PDS5B: variants seen among roughly 807,000 people sequenced by gnomAD.
PDS5B encodes the protein PDS5 cohesin associated factor B.
Under a neutral mutation model 184.1 loss-of-function variants are expected in PDS5B, and 51 were observed. That is an observed-to-expected ratio of 0.28 (90% confidence interval 0.22 to 0.35). The LOEUF (loss-of-function observed/expected upper bound fraction) is 0.35, where lower values mean the gene tolerates loss of function less well. Ranked by LOEUF, PDS5B falls within the 10% of genes least tolerant of loss-of-function variation. The pLI, the probability that PDS5B is intolerant of heterozygous loss-of-function variation, is 1.00. For missense variants in PDS5B, 1,180 were observed against 1,723.3 expected (o/e 0.68, Z 5.58); for synonymous variants, 566 against 569.2 (o/e 0.99, Z 0.08).
intron 14 of PDS5B, among the ~76,000 whole-genome samples, chr13:32,694,571 G>GGT (rs1214755761): frequency 2.0e-5 from 3 of 151,758 alleles, no homozygotes; most frequent in Admixed American, 6.6e-5. Context: ...TTAAAATAAA[G>GGT]GTGTAACAAT....
chr13:32,688,062 T>G (rs1306515977), intron 12 of PDS5B, among the ~76,000 whole-genome samples: 1 of 152,136 alleles, frequency 6.6e-6, no homozygotes, highest in African/African-American at 2.4e-5. Context: ...CCAGGTCTGT[T>G]TTCATGATGA....
intron 1 of PDS5B, among the ~76,000 whole-genome samples, chr13:32,606,771 T>C (rs1173610179): frequency 1.3e-5 from 2 of 152,254 alleles, no homozygotes; most frequent in African/African-American, 4.8e-5. Context: ...TTCTTTTTAC[T>C]GTTTTTCCTC....
At chr13:32,662,957 A>G (rs775674699) in intron 6 of PDS5B, among the ~76,000 whole-genome samples, 1 of 152,174 alleles carries the variant, frequency 6.6e-6, no homozygotes, top group African/African-American at 2.4e-5. Context: ...GGAATATTTT[A>G]TGCTAACATA....
intron 31 of PDS5B, among the ~76,000 whole-genome samples, chr13:32,768,023 C>A (rs1249452083): frequency 6.6e-6 from 1 of 152,204 alleles, no homozygotes; most frequent in Non-Finnish European, 1.5e-5. Context: ...TTGGATGTGT[C>A]TTTGGGAGTG....
chr13:32,595,984 T>C (rs2057860104), intron 1 of PDS5B, among the ~76,000 whole-genome samples: 1 of 152,204 alleles, frequency 6.6e-6, no homozygotes. Flanking sequence ...GTATATATAC[T>C]AAACATATAT....
intron 25 of PDS5B, among the ~76,000 whole-genome samples, chr13:32,754,289 T>G (rs1282231410): frequency 6.6e-6 from 1 of 152,154 alleles, no homozygotes; most frequent in Non-Finnish European, 1.5e-5. Context: ...AAATTTCTGT[T>G]GATTCTCTGT....
intron 26 of PDS5B, among the ~76,000 whole-genome samples, chr13:32,756,948 C>T (rs1479458423): frequency 6.6e-6 from 1 of 151,930 alleles, no homozygotes; most frequent in African/African-American, 2.4e-5. Context: ...CATGGCAAAA[C>T]CCCGTCTCTA....
chr13:32,719,291 C>A (rs1248843148), intron 19 of PDS5B, among the ~76,000 whole-genome samples: 1 of 152,042 alleles, frequency 6.6e-6, no homozygotes, highest in Non-Finnish European at 1.5e-5. Context: ...CAATCAGTCC[C>A]CCCACCTCAG....
At chr13:32,597,323 A>G (rs1210076409) in intron 1 of PDS5B, among the ~76,000 whole-genome samples, 8 of 151,680 alleles carry the variant, frequency 5.3e-5, no homozygotes, top group African/African-American at 1.9e-4. Flanking sequence ...GATTACAGGC[A>G]TGAGCCAGTG....
At chr13:32,693,010 A>G (rs901347741) in intron 13 of PDS5B, among the ~76,000 whole-genome samples, 1 of 152,000 alleles carries the variant, frequency 6.6e-6, no homozygotes, top group Middle Eastern at 3.2e-3. Context: ...GTAAGCTTCA[A>G]AATCTAGGCC....
At chr13:32,772,492 A>G (rs1182770301) in intron 33 of PDS5B, among the ~76,000 whole-genome samples, 1 of 152,204 alleles carries the variant, frequency 6.6e-6, no homozygotes, top group Non-Finnish European at 1.5e-5. Context: ...AGGTGGCATG[A>G]ACACTATATT....
intron 9 of PDS5B, among the ~76,000 whole-genome samples, chr13:32,677,337 A>G (rs973028008): frequency 6.6e-6 from 1 of 152,064 alleles, no homozygotes; most frequent in African/African-American, 2.4e-5. Context: ...ATATCTTTAA[A>G]TTAAGACTTG....
chr13:32,671,383 G>C (rs920023654), intron 7 of PDS5B, among the ~76,000 whole-genome samples: 1 of 152,098 alleles, frequency 6.6e-6, no homozygotes, highest in Non-Finnish European at 1.5e-5. Flanking sequence ...TGACCACTTG[G>C]GTGGTGAGAT....
chr13:32,691,900 A>G (rs771882597), intron 13 of PDS5B, among the ~76,000 whole-genome samples: 9 of 152,020 alleles, frequency 5.9e-5, no homozygotes, highest in Non-Finnish European at 1.0e-4. Context: ...AAATTTTCTT[A>G]TCTTTAATTT....
chr13:32,614,400 C>T (rs1052629963), intron 1 of PDS5B, among the ~76,000 whole-genome samples: 3 of 151,454 alleles, frequency 2.0e-5, no homozygotes, highest in South Asian at 2.1e-4. Flanking sequence ...CGGGTTCAGG[C>T]GATTCTCATG....
intron 1 of PDS5B, among the ~76,000 whole-genome samples, chr13:32,596,172 G>A (rs1322051774): frequency 2.0e-5 from 3 of 152,214 alleles, no homozygotes; most frequent in Non-Finnish European, 1.5e-5. Context: ...ACAAGAAGAT[G>A]TAGAGCATTT....
chr13:32,586,866 G>C (rs1349202470), intron 1 of PDS5B, among the ~76,000 whole-genome samples: 1 of 95,600 alleles, frequency 1.0e-5, no homozygotes, highest in Non-Finnish European at 2.2e-5. Context: ...CCACGCCGCG[G>C]GTTCTGCCGC....
At chr13:32,735,354 T>C in intron 21 of PDS5B, 24 bp downstream of exon 21, 2 of 1,557,166 alleles carry the variant, frequency 1.3e-6, no homozygotes, top group Middle Eastern at 1.7e-4. Flanking sequence ...TTTAGATTCA[T>C]GTTCTTTGTA....
chr13:32,741,028 A>G lies in PDS5B; in HGVS notation c.2407-52A>G. ...TCTAAGTGCTAATTGAAAAGAATTCATATTTACATTTTAAAGTCCCTGGTT... is the reference window on the plus strand; with the variant it reads ...TCTAAGTGCTAATTGAAAAGAATTCGTATTTACATTTTAAAGTCCCTGGTT... On this transcript the variant is annotated intron_variant, in intron 21 of 34. Transcript: ENST00000315596. 3 of 1,049,176 alleles carry G rather than the reference A, an allele frequency of 2.9e-6. 1 individual carries two copies. In the South Asian group the frequency reaches 4.0e-5, roughly 14 times the overall value. The allele number at this position is 1,049,176 out of a possible 1,614,324, so 65.0% of individuals were successfully genotyped here.
Sources: gnomAD v4.1 joint callset for allele counts (sites outside exome capture counted in the v4.1 genomes callset) on GRCh38, gnomAD v4.1.1 for gene constraint, MANE v1.5 for transcripts, NCBI Gene and HGNC (gene_info 2026-07-23, HGNC 2026-07-21) for gene names.